The following ADAMTS12 variants were observed in gnomAD, a reference collection of about 807,000 sequenced individuals.
ADAMTS12 encodes the protein A disintegrin and metalloproteinase with thrombospondin motifs 12.
Under a neutral mutation model 167.8 loss-of-function variants are expected in ADAMTS12, and 118 were observed. The observed-to-expected ratio is 0.70, with a 90% CI of 0.61 to 0.82. The LOEUF is 0.82. ADAMTS12 is among the 40% of genes least tolerant of loss of function. The pLI, the probability that ADAMTS12 is intolerant of heterozygous loss-of-function variation, is 0.00. For synonymous variants in ADAMTS12, 704 were observed against 716.9 expected, an observed-to-expected ratio of 0.98 and a Z score of 0.29; for missense variants, 1,916 against 1,998.8, an observed-to-expected ratio of 0.96 and a Z score of 0.79.
At chr5:33,652,953 G>A (rs1740920555) in intron 7 of ADAMTS12, among the ~76,000 whole-genome samples, 1 of 152,070 alleles carries the variant, frequency 6.6e-6, no homozygotes, top group Admixed American at 6.6e-5. Context: ...CATATACAAT[G>A]ATGTTACTTG....
chr5:33,744,817 T>C (rs1744722615), intron 3 of ADAMTS12, among the ~76,000 whole-genome samples: 1 of 152,190 alleles, frequency 6.6e-6, no homozygotes, highest in Non-Finnish European at 1.5e-5. Flanking sequence ...TTTCTTTCTT[T>C]CATTTTTTTA....
At chr5:33,707,004 A>G (rs1426357098) in intron 3 of ADAMTS12, among the ~76,000 whole-genome samples, 2 of 152,182 alleles carry the variant, frequency 1.3e-5, no homozygotes, top group African/African-American at 4.8e-5. Context: ...GGAAGACAGG[A>G]AGTCAAATTG....
At chr5:33,790,281 G>A (rs1276759301) in intron 2 of ADAMTS12, among the ~76,000 whole-genome samples, 4 of 151,960 alleles carry the variant, frequency 2.6e-5, no homozygotes, top group East Asian at 1.9e-4. Flanking sequence ...CTGGCCGGGC[G>A]CGGTGGCTCA....
At chr5:33,728,240 C>A (rs570642567) in intron 3 of ADAMTS12, among the ~76,000 whole-genome samples, 70 of 152,098 alleles carry the variant, frequency 4.6e-4, no homozygotes, top group Non-Finnish European at 6.2e-4. Context: ...TCGGGATGTT[C>A]ACTGAAATGA....
intron 3 of ADAMTS12, among the ~76,000 whole-genome samples, chr5:33,726,713 T>A (rs76794799): frequency 0.01 from 1,514 of 151,258 alleles, 44 homozygotes; most frequent in African/African-American, 0.036. Context: ...TACTCCTAAG[T>A]TAACTTTTGA....
In ADAMTS12 at chr5:33,739,713, G is replaced by A. The variant is rs930153413; in HGVS notation, c.634+11691C>T. 1.5e-4 allele frequency among the ~76,000 whole-genome samples: 23 copies of A among 152,280 alleles called. No homozygotes were observed. In the East Asian group the frequency reaches 2.1e-3, roughly 14 times the overall value. On this transcript the variant is annotated intron_variant, in intron 3 of 23. Coordinates refer to ENST00000504830, the MANE Select transcript of ADAMTS12 (RefSeq NM_030955.4). The stretch of plus-strand genomic sequence containing the variant: ...TCAGTCATGACCCTGAAGTTCTGCC[G>A]CCTCTTTAGGTCCTGACTGTCCCTT...
chr5:33,779,537 T>C (rs1384403213), intron 2 of ADAMTS12, among the ~76,000 whole-genome samples: 1 of 152,172 alleles, frequency 6.6e-6, no homozygotes, highest in Non-Finnish European at 1.5e-5. Flanking sequence ...ATTGCAGCAT[T>C]ATTCGCAATA....
In ADAMTS12 at chr5:33,561,131, T is replaced by C; in HGVS notation, c.4021A>G (p.Ser1341Gly). 2.5e-6 allele frequency: 4 copies of C among 1,614,176 alleles called. No individual in the cohort carries two copies. Among genetic ancestry groups the C allele is most frequent in the Non-Finnish European group, 3.4e-6 (4 of 1,180,020 alleles). The stretch of plus-strand genomic sequence containing the variant: ...GCACAGTCAGAATCCATCTGGGTGC[T>C]GCACTCCACCCTTCTCCAGTAGGCC... ...LGAYWRRVECSTQMDSDCAAI... is the reference protein window; with the variant it reads ...LGAYWRRVECGTQMDSDCAAI... The change falls in exon 20 of 24, where the codon AGC becomes GGC. Residue 1341 changes from serine to glycine, a missense_variant. By Grantham distance (56) the Ser-to-Gly change is moderately conservative. Transcript: ENST00000504830.
chr5:33,718,562 C>G (rs1233952035), intron 3 of ADAMTS12, among the ~76,000 whole-genome samples: 1 of 152,058 alleles, frequency 6.6e-6, no homozygotes, highest in Non-Finnish European at 1.5e-5. Flanking sequence ...ACTATCCCAC[C>G]CCCTCCCAGT....
rs374505333 is a variant in ADAMTS12 at position 33,624,567 on chromosome 5, T to C, written c.2023-216A>G. ...TGCTCAGAGAGGAGGGAGGCACACA[T>C]TGAGTGAGGTCTCTAATTTCCCGAG... On this transcript the variant is annotated intron_variant, in intron 13 of 23. Coordinates refer to ENST00000504830, the MANE Select transcript of ADAMTS12 (RefSeq NM_030955.4). Among the ~76,000 whole-genome samples, 14 of 152,314 alleles carry C rather than the reference T, an allele frequency of 9.2e-5. No homozygotes were observed. The East Asian group carries it at 1.2e-3, about 13-fold the overall frequency.
At chr5:33,546,837 G>C (rs184109323) in intron 21 of ADAMTS12, among the ~76,000 whole-genome samples, 64 of 152,252 alleles carry the variant, frequency 4.2e-4, no homozygotes, top group African/African-American at 1.5e-3. Flanking sequence ...AATTCACCAA[G>C]AATGTTTGAA....
intron 2 of ADAMTS12, among the ~76,000 whole-genome samples, chr5:33,828,662 C>T (rs1390558993): frequency 6.6e-6 from 1 of 152,082 alleles, no homozygotes; most frequent in Admixed American, 6.6e-5. Context: ...GTATGAGACC[C>T]TCTAGTTTTA....
chr5:33,535,359 G>A (rs991673226), intron 22 of ADAMTS12, among the ~76,000 whole-genome samples: 1 of 152,162 alleles, frequency 6.6e-6, no homozygotes, highest in African/African-American at 2.4e-5. Context: ...ACTGCTCTAG[G>A]GAAGGTCCCT....
At chr5:33,867,435 T>G (rs1042117345) in intron 2 of ADAMTS12, among the ~76,000 whole-genome samples, 3 of 152,076 alleles carry the variant, frequency 2.0e-5, no homozygotes, top group African/African-American at 7.2e-5. Flanking sequence ...TATGGAGTGG[T>G]ATCATGGACT....
rs1471956680 is a variant in ADAMTS12, at chr5:33,724,113, G to A, written c.634+27291C>T. Among the ~76,000 whole-genome samples the A allele has an allele frequency of 2.6e-5, 4 of 152,262 alleles. No individual in the cohort carries two copies. In the East Asian group the frequency reaches 7.7e-4, roughly 29 times the overall value. On this transcript the variant is annotated intron_variant, in intron 3 of 23. Coordinates refer to ENST00000504830, the MANE Select transcript of ADAMTS12 (RefSeq NM_030955.4). ...CTGTTGACCAACAGTGTGATCATAG[G>A]CACATCTCAACACCCTCTGGATTTC...
At chr5:33,819,973 T>C (rs1447969557) in intron 2 of ADAMTS12, among the ~76,000 whole-genome samples, 1 of 152,218 alleles carries the variant, frequency 6.6e-6, no homozygotes, top group African/African-American at 2.4e-5. Flanking sequence ...ACAATTGGTT[T>C]CTTTTCTGCT....
At chr5:33,735,238 C>A (rs1744329721) in intron 3 of ADAMTS12, among the ~76,000 whole-genome samples, 2 of 152,090 alleles carry the variant, frequency 1.3e-5, no homozygotes, top group South Asian at 2.1e-4. Context: ...AGATACTGTG[C>A]CCCACCCTAG....
At chr5:33,560,944 T>C (rs1433989099) in intron 20 of ADAMTS12, 83 bp downstream of exon 20, 3 of 1,500,430 alleles carry the variant, frequency 2.0e-6, no homozygotes, top group Non-Finnish European at 9.0e-7. Context: ...AAAACGACTT[T>C]AGCAAGTGTT....
chr5:33,549,225 C>T lies in ADAMTS12; in HGVS notation c.4284G>A (p.Gln1428=). ...SCNPEPCEAW[Q]VEPWSQCSRS... ...GACCTACCTGGCTCCAAGGCTCCACCTGCCACGCCTCACAGGGCTCCGGGT... is the reference window on the plus strand; with the variant it reads ...GACCTACCTGGCTCCAAGGCTCCACTTGCCACGCCTCACAGGGCTCCGGGT... Residue 1428 remains glutamine (Q), a synonymous_variant, in exon 21 of 24, where the codon CAG becomes CAA. Transcript: ENST00000504830. 1 of 1,613,640 alleles carries T rather than the reference C, an allele frequency of 6.2e-7. No homozygotes were observed.
Sources: gnomAD v4.1 joint callset for allele counts (sites outside exome capture counted in the v4.1 genomes callset) on GRCh38, gnomAD v4.1.1 for gene constraint, MANE v1.5 for transcripts, NCBI Gene and HGNC (gene_info 2026-07-23, HGNC 2026-07-21) for gene names.